The following CCNB3 variants were observed in gnomAD, a reference collection of about 807,000 sequenced individuals.
CCNB3 encodes the protein cyclin B3.
In CCNB3, 12 loss-of-function variants were observed where a neutral mutation model predicts 68.0. That is an observed-to-expected ratio of 0.18 (90% CI 0.11 to 0.29). The LOEUF is 0.29. CCNB3 is among the 10% of genes least tolerant of loss of function. The probability of loss-of-function intolerance (pLI) is 1.00; values close to 1 mark genes in which losing one functional copy is unlikely to be tolerated. For synonymous variants in CCNB3, 354 were observed against 388.9 expected (o/e 0.91, Z 1.06); for missense variants, 904 against 993.1 (o/e 0.91, Z 1.21).
chrX:50,285,181 A>G lies in CCNB3; in HGVS notation c.18A>G (p.Pro6=). Residue 6 remains proline, a synonymous_variant, in exon 3 of 13, where the codon CCA becomes CCG. Coordinates refer to ENST00000376042, the MANE Select transcript of CCNB3 (RefSeq NM_033031.3). Reference sequence around the variant, plus strand: ...TCTAAGTGATGCTACTGCCACTACCACCCCAGAGCTCCAAACCTGTGCCTA... The same window carrying G: ...TCTAAGTGATGCTACTGCCACTACCGCCCCAGAGCTCCAAACCTGTGCCTA... MLLPL[P]PQSSKPVPKK... is the part of the protein sequence containing the mutation. 1 of 1,208,934 alleles carries G rather than the reference A, an allele frequency of 8.3e-7. No individual in the cohort carries two copies. Among genetic ancestry groups the G allele is most frequent in the Non-Finnish European group, 1.1e-6 (1 of 893,328 alleles).
At chrX:50,207,893 C>G (rs1935398178) in intron 1 of CCNB3, among the ~76,000 whole-genome samples, 1 of 111,329 alleles carries the variant, frequency 9.0e-6, no homozygotes, top group Non-Finnish European at 1.9e-5. Context: ...ACCCTATACC[C>G]TTTGTCCATC....
intron 5 of CCNB3, among the ~76,000 whole-genome samples, chrX:50,298,734 A>T (rs2147042805): frequency 9.0e-6 from 1 of 111,546 alleles, no homozygotes; most frequent in Non-Finnish European, 1.9e-5. Flanking sequence ...TACCTCTGGT[A>T]GAATTCGGCT....
chrX:50,203,766 C>A (rs1557205087), upstream of CCNB3, among the ~76,000 whole-genome samples: 1 of 111,652 alleles, frequency 9.0e-6, no homozygotes, highest in African/African-American at 3.3e-5. Flanking sequence ...GGGGCAACTG[C>A]TAAAGATAAG....
chrX:50,227,774 A>G (rs1483205755), intron 1 of CCNB3, among the ~76,000 whole-genome samples: 1 of 78,796 alleles, frequency 1.3e-5, no homozygotes, highest in African/African-American at 4.8e-5. Context: ...AAATATATAT[A>G]GAGAATATAT....
Position 50,225,674 on chromosome X carries a change from A to C in CCNB3, c.-113+20724A>C, listed in dbSNP as rs970732446. On this transcript the variant is annotated intron_variant, in intron 1 of 12. Coordinates refer to ENST00000376042, the MANE Select transcript of CCNB3 (RefSeq NM_033031.3). ...GAGGTCAAATAAACAAAGGTGATGG[A>C]AAAAAGTTAGAATCATAGACGATAC... 2.2e-3 allele frequency among the ~76,000 whole-genome samples: 242 copies of C among 110,055 alleles called. 1 individual carries two copies. Among genetic ancestry groups the C allele is most frequent in the African/African-American group, 7.7e-3 (235 of 30,437 alleles).
intron 1 of CCNB3, 22 bp downstream of exon 1, chrX:50,204,972 G>A (rs1284147215): frequency 2.7e-5 from 3 of 111,376 alleles, no homozygotes; most frequent in Non-Finnish European, 5.6e-5. Flanking sequence ...ATTGTCAGTC[G>A]TGACGAGAGC....
intron 8 of CCNB3, among the ~76,000 whole-genome samples, chrX:50,338,373 G>A (rs1490179879): frequency 1.9e-4 from 21 of 112,168 alleles, no homozygotes; most frequent in African/African-American, 6.8e-4. Context: ...AGCTCCCTGA[G>A]TGAGCAATTC....
At chrX:50,299,391 C>T (rs782349943) in intron 5 of CCNB3, among the ~76,000 whole-genome samples, 2 of 111,467 alleles carry the variant, frequency 1.8e-5, no homozygotes, top group Non-Finnish European at 3.8e-5. Context: ...TTGCTATTTA[C>T]CCAGTAGTCA....
intron 9 of CCNB3, among the ~76,000 whole-genome samples, chrX:50,344,755 G>A (rs921620035): frequency 3.6e-5 from 4 of 111,674 alleles, no homozygotes; most frequent in African/African-American, 1.3e-4. Flanking sequence ...TGGTCCAGGT[G>A]AAATAGTAAT....
intron 7 of CCNB3, among the ~76,000 whole-genome samples, chrX:50,313,535 C>T (rs1557215361): frequency 8.9e-6 from 1 of 112,071 alleles, no homozygotes; most frequent in African/African-American, 3.2e-5. Context: ...AAGCACTGCT[C>T]TACATAGCAT....
In CCNB3 at chrX:50,311,175, C is replaced by A. The variant is rs781863228; in HGVS notation, c.3006C>A (p.Thr1002=). Reference sequence around the variant, plus strand: ...TGACCAGTGTGGGCAAATCTGGTACCATCAATGAGGCATTCCTCTTCGAAG... The same window carrying A: ...TGACCAGTGTGGGCAAATCTGGTACAATCAATGAGGCATTCCTCTTCGAAG... The part of the protein sequence containing the change: ...ATMTSVGKSG[T]INEAFLFEDM... Residue 1002 remains threonine (T), a synonymous_variant, in exon 6 of 13, where the codon ACC becomes ACA. Coordinates refer to ENST00000376042, the MANE Select transcript of CCNB3 (RefSeq NM_033031.3). 6.6e-6 allele frequency: 8 copies of A among 1,208,632 alleles called. No homozygotes were observed. The East Asian group carries it at 2.1e-4, about 31-fold the overall frequency.
At chrX:50,322,721 T>A (rs1254612702) in intron 8 of CCNB3, among the ~76,000 whole-genome samples, 1 of 111,357 alleles carries the variant, frequency 9.0e-6, no homozygotes, top group Non-Finnish European at 1.9e-5. Flanking sequence ...CAAACAAATT[T>A]ACAAGAAGAA....
intron 1 of CCNB3, among the ~76,000 whole-genome samples, chrX:50,213,155 T>G (rs1935509622): frequency 8.9e-6 from 1 of 112,242 alleles, no homozygotes; most frequent in Admixed American, 9.5e-5. Context: ...GGGATTGTCT[T>G]GATTCTGTAG....
chrX:50,217,737 A>G (rs905011140), intron 1 of CCNB3, among the ~76,000 whole-genome samples: 1 of 111,946 alleles, frequency 8.9e-6, no homozygotes. Flanking sequence ...TATTAGAAAT[A>G]TTTCATTACC....
At chrX:50,291,963 C>T (rs1269544772) in intron 4 of CCNB3, among the ~76,000 whole-genome samples, 3 of 111,005 alleles carry the variant, frequency 2.7e-5, no homozygotes, top group Non-Finnish European at 3.8e-5. Flanking sequence ...TGAAGTGTTG[C>T]AAAAATGAAA....
At chrX:50,220,873 G>A (rs1224821183) in intron 1 of CCNB3, among the ~76,000 whole-genome samples, 5 of 111,303 alleles carry the variant, frequency 4.5e-5, no homozygotes, top group African/African-American at 1.6e-4. Context: ...TGCACCTCTG[G>A]TAGAATGCGG....
At chrX:50,223,570 G>C (rs995645313) in intron 1 of CCNB3, among the ~76,000 whole-genome samples, 1 of 107,599 alleles carries the variant, frequency 9.3e-6, no homozygotes, top group Non-Finnish European at 1.9e-5. Flanking sequence ...TCCAGACCCT[G>C]TTTGCTTGGA....
At chrX:50,289,617 A>G (rs1936311918) in intron 4 of CCNB3, among the ~76,000 whole-genome samples, 1 of 111,902 alleles carries the variant, frequency 8.9e-6, no homozygotes, top group South Asian at 3.8e-4. Context: ...GCACTATGCT[A>G]AGCATGTTAT....
At chrX:50,282,909 C>T (rs1440526199) in intron 1 of CCNB3, among the ~76,000 whole-genome samples, 2 of 110,010 alleles carry the variant, frequency 1.8e-5, no homozygotes, top group Non-Finnish European at 3.8e-5. Flanking sequence ...AATTATGAGG[C>T]GTAAATAATA....
Sources: gnomAD v4.1 joint callset for allele counts (sites outside exome capture counted in the v4.1 genomes callset) on GRCh38, gnomAD v4.1.1 for gene constraint, MANE v1.5 for transcripts, NCBI Gene and HGNC (gene_info 2026-07-23, HGNC 2026-07-21) for gene names.